Variants in MEG3 observed in about 807,000 individuals in gnomAD.
MEG3 encodes the protein Very putative protein from MEG3 locus.
exon 1 of MEG3, chr14:100,857,374 T>C (rs2140009737): frequency 6.6e-6 from 1 of 152,312 alleles, no homozygotes; most frequent in African/African-American, 2.4e-5. Context: ...CACAGGGCTG[T>C]TGTGAGGGCC....
chr14:100,846,839 A>C (rs1167927159), intron 3 of MEG3: 5 of 152,198 alleles, frequency 3.3e-5, no homozygotes, highest in South Asian at 2.1e-4. Context: ...ACTCAAATAT[A>C]TGCCTCTGAC....
chr14:100,860,782 C>A (rs1230011692), exon 2 of MEG3: 1 of 448,746 alleles, frequency 2.2e-6, no homozygotes. Context: ...TGAGTAGAGA[C>A]CCGCCCTCTG....
intron 3 of MEG3, chr14:100,848,767 G>A (rs2037988077): frequency 1.3e-5 from 2 of 152,008 alleles, no homozygotes; most frequent in Admixed American, 6.5e-5. Flanking sequence ...GAATAAATGC[G>A]TGCATTCCAT....
chr14:100,847,024 G>A (rs533774403), intron 3 of MEG3: 3 of 150,210 alleles, frequency 2.0e-5, no homozygotes, highest in Non-Finnish European at 3.0e-5. Context: ...AACAAAGAAA[G>A]GTTAAAAAAA....
At chr14:100,860,707 G>T (rs1394431826) in intron 1 of MEG3, 1 of 456,568 alleles carries the variant, frequency 2.2e-6, no homozygotes, top group East Asian at 6.9e-5. Context: ...CAGCCACGGG[G>T]ACACCCTGCA....
At position 100,837,220 on chromosome 14, in the gene MEG3, C is replaced by T. The variant is rs1388167700; in HGVS notation, n.3045+920C>T. On this transcript the variant is annotated intron_variant and non_coding_transcript_variant, in intron 2 of 3. Coordinates refer to the MEG3 transcript ENST00000398461. This position sits in a 1 kb window ranked among gnomAD's most constrained non-coding sequence, Gnocchi z 5.8. Reference sequence around the variant, plus strand: ...CATGCCAGGCTGAAGTTTGGGCTGGCAGGAAGAGAGGAGGCTCAGCTGAGG... The same window carrying T: ...CATGCCAGGCTGAAGTTTGGGCTGGTAGGAAGAGAGGAGGCTCAGCTGAGG... Among the ~76,000 whole-genome samples, 1 of 152,172 alleles carries T rather than the reference C, an allele frequency of 6.6e-6. No individual in the cohort carries two copies. Among genetic ancestry groups the T allele is most frequent in the African/African-American group, 2.4e-5 (1 of 41,440 alleles).
At chr14:100,834,046 C>T (rs1250093399), downstream of MEG3, 1 of 152,300 alleles carries the variant, frequency 6.6e-6, no homozygotes, top group Non-Finnish European at 1.5e-5. Flanking sequence ...GGCAATCTTT[C>T]ATCCCCTTTT....
chr14:100,826,621 T>G (rs184943895), intron 1 of MEG3, among the ~76,000 whole-genome samples: 41 of 152,270 alleles, frequency 2.7e-4, no homozygotes, highest in African/African-American at 9.1e-4. Flanking sequence ...ATGGCGGCGA[T>G]GCCTTCTGCG....
upstream of MEG3, chr14:100,855,035 C>T (rs1004103492): frequency 6.5e-6 from 1 of 152,706 alleles, no homozygotes; most frequent in Non-Finnish European, 1.5e-5. Flanking sequence ...GGGCATGTCA[C>T]CCAAGGAGGG....
intron 2 of MEG3, among the ~76,000 whole-genome samples, chr14:100,843,012 G>A (rs573986368): frequency 6.6e-5 from 10 of 152,276 alleles, no homozygotes; most frequent in Non-Finnish European, 8.8e-5. Flanking sequence ...CCAGCACTGC[G>A]TTATTAACAC....
intron 1 of MEG3, chr14:100,826,459 G>A (rs1248292875): frequency 6.6e-6 from 1 of 152,258 alleles, no homozygotes; most frequent in Admixed American, 6.5e-5. Flanking sequence ...AGTCCTTAAG[G>A]GTGGGCTGGG....
exon 1 of MEG3, chr14:100,835,026 CTG>C (rs1441424810): frequency 2.8e-6 from 1 of 354,198 alleles, no homozygotes; most frequent in African/African-American, 2.1e-5. Flanking sequence ...TTGATGGCCT[CTG>C]TGTCCCCAGG....
intron 3 of MEG3, chr14:100,852,101 G>T: frequency 3.0e-6 from 1 of 329,916 alleles, no homozygotes; most frequent in South Asian, 2.3e-5. Context: ...AGTGGGGTGG[G>T]GCCAGGCCAT....
chr14:100,841,275 C>T (rs796717850), intron 2 of MEG3, among the ~76,000 whole-genome samples: 33 of 152,340 alleles, frequency 2.2e-4, no homozygotes, highest in African/African-American at 7.0e-4. Context: ...GGTCAGCAGT[C>T]TTCCAGAGAC....
upstream of MEG3, chr14:100,852,522 C>T (rs763119209): frequency 6.3e-6 from 3 of 473,554 alleles, no homozygotes; most frequent in South Asian, 4.8e-5. Flanking sequence ...CAGGCTATGC[C>T]TTGGCTGGAC....
At chr14:100,829,847 T>C (rs2139937825), downstream of MEG3, 1 of 152,290 alleles carries the variant, frequency 6.6e-6, no homozygotes, top group African/African-American at 2.4e-5. Context: ...GATATGAACA[T>C]GTGATTTTTA....
chr14:100,855,658 A>G (rs1175293651), upstream of MEG3: 1 of 152,178 alleles, frequency 6.6e-6, no homozygotes, highest in African/African-American at 2.4e-5. Flanking sequence ...CCCTTCATTC[A>G]TTCACTCACA....
chr14:100,845,195 C>T lies in MEG3; in HGVS notation n.3046-263C>T, dbSNP rs1566731806. ...CTAAGCCTTTGGGTCCCACAGAGCA[C>T]GACTTCGCTCCGTGAACAGCACCAA... On this transcript the variant is annotated intron_variant and non_coding_transcript_variant, in intron 2 of 3. Transcript: ENST00000398461. This position sits in a 1 kb window ranked among gnomAD's most constrained non-coding sequence, Gnocchi z 5.2. Among the ~76,000 whole-genome samples, 3 of 152,322 alleles carry T rather than the reference C, an allele frequency of 2.0e-5. No individual in the cohort carries two copies. Among genetic ancestry groups the T allele is most frequent in the Non-Finnish European group, 1.5e-5 (1 of 68,036 alleles).
intron 3 of MEG3, chr14:100,852,022 C>T (rs2038095016): frequency 4.2e-6 from 1 of 239,552 alleles, no homozygotes; most frequent in Admixed American, 5.0e-5. Flanking sequence ...TTAACAAGCG[C>T]CCGGAGCAGT....
Sources: allele counts gnomAD v4.1 joint callset (sites outside exome capture counted in the v4.1 genomes callset), GRCh38; gene constraint gnomAD v4.1.1; non-coding constraint Gnocchi (gnomAD v3.1); transcripts MANE v1.5; gene names NCBI Gene and HGNC (gene_info 2026-07-23, HGNC 2026-07-21).